FARS2: variants seen among roughly 807,000 people sequenced by gnomAD.
FARS2 encodes the protein phenylalanine--tRNA ligase, mitochondrial.
Under a neutral mutation model 46.4 loss-of-function variants are expected in FARS2, and 40 were observed. The observed-to-expected ratio is 0.86, with a 90% CI of 0.67 to 1.12. FARS2 has a LOEUF of 1.12. FARS2 is among the 50% of genes most tolerant of loss of function. The probability of loss-of-function intolerance (pLI) is 0.00; values close to 1 mark genes in which losing one functional copy is unlikely to be tolerated. For synonymous variants in FARS2, 234 were observed against 214.9 expected, an observed-to-expected ratio of 1.09 and a Z score of -0.78; for missense variants, 513 against 567.9, an observed-to-expected ratio of 0.90 and a Z score of 0.98.
intron 1 of FARS2, among the ~76,000 whole-genome samples, chr6:5,329,749 A>C (rs1770664812): frequency 6.6e-6 from 1 of 152,350 alleles, no homozygotes. Context: ...GATACAACCC[A>C]GGAGGAGATA....
rs141904628 is a variant in FARS2, at chr6:5,737,644, C to T, written c.1218-33647C>T. Among the ~76,000 whole-genome samples, 3 of 152,360 alleles carry T rather than the reference C, an allele frequency of 2.0e-5. No homozygotes were observed. The East Asian group carries it at 5.8e-4, about 29-fold the overall frequency. Reference sequence around the variant, plus strand: ...ACCTAGCCTGCATGCATAACTTCCCCATCCCAGCCTAGAGGTGGTCATGTG... The same window carrying T: ...ACCTAGCCTGCATGCATAACTTCCCTATCCCAGCCTAGAGGTGGTCATGTG... On this transcript the variant is annotated intron_variant, in intron 6 of 6. Coordinates refer to ENST00000274680, the MANE Select transcript of FARS2 (RefSeq NM_006567.5).
At chr6:5,603,799 C>T (rs1202563602) in intron 5 of FARS2, among the ~76,000 whole-genome samples, 12 of 152,122 alleles carry the variant, frequency 7.9e-5, no homozygotes, top group Non-Finnish European at 1.5e-4. Context: ...TAAGTAAGCT[C>T]GTATTCTGAG....
At chr6:5,585,813 A>G (rs1354820047) in intron 5 of FARS2, among the ~76,000 whole-genome samples, 1 of 152,110 alleles carries the variant, frequency 6.6e-6, no homozygotes, top group African/African-American at 2.4e-5. Context: ...TTCATTTATC[A>G]ATGATACTTA....
chr6:5,525,762 TG>T (rs1582354087), intron 4 of FARS2, among the ~76,000 whole-genome samples: 1 of 152,232 alleles, frequency 6.6e-6, no homozygotes, highest in East Asian at 1.9e-4. Context: ...TTTTGTGTAT[TG>T]ATAATTAACT....
In FARS2 at chr6:5,335,284, C is replaced by T. The variant is rs564900562; in HGVS notation, c.-21-33266C>T. On this transcript the variant is annotated intron_variant, in intron 1 of 6. Transcript: ENST00000274680. ...TGATTCTTTGTGATCTGTTTAGCAGCCCAGGCCTGAAAGAGGAACAAACAG... is the reference window on the plus strand; with the variant it reads ...TGATTCTTTGTGATCTGTTTAGCAGTCCAGGCCTGAAAGAGGAACAAACAG... 3.9e-5 allele frequency among the ~76,000 whole-genome samples: 6 copies of T among 152,208 alleles called. No individual in the cohort carries two copies. The East Asian group carries it at 1.2e-3, about 29-fold the overall frequency.
intron 4 of FARS2, among the ~76,000 whole-genome samples, chr6:5,439,079 G>A (rs748433974): frequency 6.6e-6 from 1 of 152,156 alleles, no homozygotes; most frequent in Non-Finnish European, 1.5e-5. Flanking sequence ...CTTCCTAGGG[G>A]CAGCGATTCA....
At chr6:5,361,712 A>G (rs1020346009) in intron 1 of FARS2, among the ~76,000 whole-genome samples, 2 of 152,174 alleles carry the variant, frequency 1.3e-5, no homozygotes, top group Admixed American at 6.5e-5. Flanking sequence ...TTTTTTCTTG[A>G]TAGAAATTGT....
chr6:5,740,169 A>C (rs1374050147), intron 6 of FARS2, among the ~76,000 whole-genome samples: 1 of 152,166 alleles, frequency 6.6e-6, no homozygotes, highest in Non-Finnish European at 1.5e-5. Context: ...TCCTGGGGAC[A>C]CTGGAAGTCT....
chr6:5,558,316 A>G (rs9405848), intron 5 of FARS2, among the ~76,000 whole-genome samples: 112,413 of 151,896 alleles, frequency 0.74, 41,833 homozygotes, highest in Middle Eastern at 0.86. Context: ...ACAGAGAAAC[A>G]AGTTACTTTG....
rs1765930628 is a variant in FARS2, at chr6:5,271,354, A to C, written c.-22+9694A>C. Reference sequence around the variant, plus strand: ...CTGGCCCTCCTTGTGTCATGTCCTCATCCATTTCTGAACCAATAACTGTGA... The same window carrying C: ...CTGGCCCTCCTTGTGTCATGTCCTCCTCCATTTCTGAACCAATAACTGTGA... On this transcript the variant is annotated intron_variant, in intron 1 of 6. Transcript: ENST00000274680. Among the ~76,000 whole-genome samples the C allele has an allele frequency of 2.6e-5, 4 of 152,072 alleles. No homozygotes were observed. In the South Asian group the frequency reaches 8.3e-4, roughly 32 times the overall value.
intron 1 of FARS2, among the ~76,000 whole-genome samples, chr6:5,353,640 G>A (rs994110870): frequency 1.3e-5 from 2 of 149,684 alleles, no homozygotes; most frequent in Non-Finnish European, 3.0e-5. Flanking sequence ...GATGATTTAT[G>A]ATGTTGAACA....
intron 4 of FARS2, among the ~76,000 whole-genome samples, chr6:5,435,464 A>G (rs2503836): frequency 0.42 from 64,258 of 152,122 alleles, 13,674 homozygotes; most frequent in East Asian, 0.49. Context: ...GCTCTTTTAA[A>G]TGGCTTGTAG....
rs374712557 is a variant in FARS2, at chr6:5,717,058, C to T, written c.1218-54233C>T. Among the ~76,000 whole-genome samples, 15 of 152,312 alleles carry T rather than the reference C, an allele frequency of 9.8e-5. No homozygotes were observed. In the South Asian group the frequency reaches 1.4e-3, roughly 15 times the overall value. ...AGTCCTGTCTCTTCAGATTCTTCTTCGTCTCTCTGTGCAACATTCCTTCCC... is the reference window on the plus strand; with the variant it reads ...AGTCCTGTCTCTTCAGATTCTTCTTTGTCTCTCTGTGCAACATTCCTTCCC... On this transcript the variant is annotated intron_variant, in intron 6 of 6. Coordinates refer to ENST00000274680, the MANE Select transcript of FARS2 (RefSeq NM_006567.5).
chr6:5,266,215 C>G (rs774095338), intron 1 of FARS2, among the ~76,000 whole-genome samples: 1 of 152,102 alleles, frequency 6.6e-6, no homozygotes, highest in Non-Finnish European at 1.5e-5. Flanking sequence ...AGGCTTTGGC[C>G]AGAGCTGTAG....
At chr6:5,599,070 C>T (rs1338787072) in intron 5 of FARS2, among the ~76,000 whole-genome samples, 2 of 152,148 alleles carry the variant, frequency 1.3e-5, no homozygotes, top group Non-Finnish European at 2.9e-5. Context: ...CTTGCAGAGA[C>T]TGAGATGATG....
At chr6:5,262,698 T>C (rs1227013924) in intron 1 of FARS2, among the ~76,000 whole-genome samples, 1 of 152,252 alleles carries the variant, frequency 6.6e-6, no homozygotes, top group Non-Finnish European at 1.5e-5. Flanking sequence ...TGCAATGACA[T>C]TTTTTAAAAG....
At chr6:5,290,836 C>T (rs1407496815) in intron 1 of FARS2, among the ~76,000 whole-genome samples, 2 of 152,252 alleles carry the variant, frequency 1.3e-5, no homozygotes, top group African/African-American at 4.8e-5. Context: ...CCTCCCACCT[C>T]AGCTTCTCCA....
intron 1 of FARS2, among the ~76,000 whole-genome samples, chr6:5,264,590 A>G (rs1241676659): frequency 6.7e-6 from 1 of 149,788 alleles, no homozygotes; most frequent in African/African-American, 2.5e-5. Flanking sequence ...TATTTTTAGT[A>G]GAGATGGAGT....
chr6:5,292,084 G>C (rs1383799357), intron 1 of FARS2, among the ~76,000 whole-genome samples: 1 of 152,186 alleles, frequency 6.6e-6, no homozygotes, highest in Non-Finnish European at 1.5e-5. Context: ...TTGTCAGAAT[G>C]AACAGGAGGT....
Sources: allele counts gnomAD v4.1 joint callset (sites outside exome capture counted in the v4.1 genomes callset), GRCh38; gene constraint gnomAD v4.1.1; transcripts MANE v1.5; gene names NCBI Gene and HGNC (gene_info 2026-07-23, HGNC 2026-07-21).